HECW1: variants seen among roughly 807,000 people sequenced by gnomAD.
The protein encoded by HECW1 is HECT, C2 and WW domain containing E3 ubiquitin protein ligase 1.
HECW1 carries 61 observed loss-of-function variants against 182.3 expected under a neutral mutation model. The ratio of observed to expected loss-of-function variants is 0.33; its 90% CI spans 0.27 to 0.41. The LOEUF is 0.41. Among genes scored for constraint, HECW1 ranks in the 10% least tolerant of loss-of-function variants. HECW1 has a pLI of 1.00. For missense variants in HECW1, 1,739 were observed against 2,108.9 expected (o/e 0.82, Z 3.44); for synonymous variants, 859 against 832.6 (o/e 1.03, Z -0.55).
intron 5 of HECW1, among the ~76,000 whole-genome samples, chr7:43,323,627 G>A (rs6977617): frequency 0.083 from 12,683 of 151,916 alleles, 903 homozygotes; most frequent in African/African-American, 0.19. Flanking sequence ...CAACAACAAC[G>A]ACAAAAATAC....
intron 4 of HECW1, among the ~76,000 whole-genome samples, chr7:43,319,565 A>G (rs931257735): frequency 1.3e-5 from 1 of 76,466 alleles, no homozygotes; most frequent in Non-Finnish European, 2.4e-5. Flanking sequence ...GTCACTCTCT[A>G]TCACAGCACC....
intron 5 of HECW1, among the ~76,000 whole-genome samples, chr7:43,348,733 A>G (rs1199116623): frequency 6.6e-6 from 1 of 152,182 alleles, no homozygotes; most frequent in Non-Finnish European, 1.5e-5. Flanking sequence ...CAGTTCAAAG[A>G]ATATTTTAAT....
intron 2 of HECW1, among the ~76,000 whole-genome samples, chr7:43,207,191 T>C (rs1449157291): frequency 2.0e-5 from 3 of 152,048 alleles, no homozygotes; most frequent in Non-Finnish European, 4.4e-5. Flanking sequence ...GGATTACAGG[T>C]GCATGCCACC....
intron 29 of HECW1, among the ~76,000 whole-genome samples, chr7:43,556,472 C>A (rs770435784): frequency 6.6e-6 from 1 of 152,118 alleles, no homozygotes; most frequent in Admixed American, 6.5e-5. Context: ...GGATAGCTTG[C>A]GCCCAAGAGT....
intron 2 of HECW1, among the ~76,000 whole-genome samples, chr7:43,215,342 C>G (rs1796349180): frequency 6.6e-6 from 1 of 152,224 alleles, no homozygotes; most frequent in South Asian, 2.1e-4. Flanking sequence ...AAGCGTTGCC[C>G]TGTCCTAACA....
At chr7:43,537,472 T>C (rs1400462452) in intron 24 of HECW1, among the ~76,000 whole-genome samples, 1 of 152,138 alleles carries the variant, frequency 6.6e-6, no homozygotes, top group African/African-American at 2.4e-5. Context: ...GTAATCAACT[T>C]CCCCACAGGC....
intron 6 of HECW1, among the ~76,000 whole-genome samples, chr7:43,371,841 CAG>C (rs1444010319): frequency 6.6e-6 from 1 of 152,100 alleles, no homozygotes; most frequent in Non-Finnish European, 1.5e-5. Flanking sequence ...TGTTTTGAGA[CAG>C]AGTTTCGTTC....
intron 24 of HECW1, among the ~76,000 whole-genome samples, chr7:43,533,938 G>A (rs563536391): frequency 2.0e-5 from 3 of 152,278 alleles, no homozygotes; most frequent in African/African-American, 4.8e-5. Flanking sequence ...AGCCTGATCT[G>A]TTGGGGCAAC....
At chr7:43,178,047 T>A (rs950473711) in intron 2 of HECW1, among the ~76,000 whole-genome samples, 1 of 152,206 alleles carries the variant, frequency 6.6e-6, no homozygotes, top group African/African-American at 2.4e-5. Flanking sequence ...TCTCGCTCTG[T>A]CACCCAGGCT....
At chr7:43,501,892 T>C (rs56027889) in intron 21 of HECW1, among the ~76,000 whole-genome samples, 67,510 of 152,026 alleles carry the variant, frequency 0.44, 15,466 homozygotes, top group South Asian at 0.67. Context: ...TTTTATGACA[T>C]GTGAAAACTG....
chr7:43,252,821 A>T (rs1425206192), intron 3 of HECW1, among the ~76,000 whole-genome samples: 3 of 152,264 alleles, frequency 2.0e-5, no homozygotes, highest in East Asian at 3.8e-4. Flanking sequence ...CTTGCAGTGT[A>T]GTTTAACAGT....
intron 12 of HECW1, among the ~76,000 whole-genome samples, chr7:43,452,592 G>A (rs2077270986): frequency 6.6e-6 from 1 of 152,162 alleles, no homozygotes; most frequent in South Asian, 2.1e-4. Flanking sequence ...CCTGTGCTAG[G>A]TACTATTGTG....
chr7:43,359,633 T>G (rs1815619180), intron 5 of HECW1, among the ~76,000 whole-genome samples: 1 of 152,200 alleles, frequency 6.6e-6, no homozygotes, highest in Non-Finnish European at 1.5e-5. Flanking sequence ...GTCTCAATTA[T>G]GCAAAAATCT....
At chr7:43,162,528 G>A (rs1029021233) in intron 2 of HECW1, among the ~76,000 whole-genome samples, 1 of 152,230 alleles carries the variant, frequency 6.6e-6, no homozygotes, top group African/African-American at 2.4e-5. Context: ...AATAATCCAG[G>A]ATGAACTTTT....
chr7:43,254,305 A>G lies in HECW1; in HGVS notation c.27+10373A>G, dbSNP rs183061886. ...ACTGAGAGTAAAATAATGAAGCCCC[A>G]CTTAAGTGAAAATAACACAGGTAAT... is the stretch of plus-strand genomic sequence containing the variant. On this transcript the variant is annotated intron_variant, in intron 3 of 29. Coordinates refer to ENST00000395891, the MANE Select transcript of HECW1 (RefSeq NM_015052.5). Among the ~76,000 whole-genome samples, 371 of 152,316 alleles carry G rather than the reference A, an allele frequency of 2.4e-3. 2 individuals are homozygous for G. Among genetic ancestry groups the G allele is most frequent in the African/African-American group, 8.6e-3 (357 of 41,582 alleles).
chr7:43,342,601 G>C lies in HECW1; in HGVS notation c.461-18285G>C, dbSNP rs117825357. On this transcript the variant is annotated intron_variant, in intron 5 of 29. Coordinates refer to ENST00000395891, the MANE Select transcript of HECW1 (RefSeq NM_015052.5). ...CCATTCCTCCTTCTAGATAACTCTT[G>C]AGGCTAACTCTTACAGAGTAATTAT... is the stretch of plus-strand genomic sequence containing the variant. Among the ~76,000 whole-genome samples, 18 of 150,582 alleles carry C rather than the reference G, an allele frequency of 1.2e-4. No homozygotes were observed. In the East Asian group the frequency reaches 3.1e-3, roughly 26 times the overall value.
At chr7:43,313,759 CA>C (rs1212127463) in intron 4 of HECW1, among the ~76,000 whole-genome samples, 1 of 152,186 alleles carries the variant, frequency 6.6e-6, no homozygotes, top group Non-Finnish European at 1.5e-5. Flanking sequence ...TCCAATTTGG[CA>C]GCCTGAGCCT....
chr7:43,258,254 A>G (rs1287586192), intron 3 of HECW1, among the ~76,000 whole-genome samples: 1 of 149,520 alleles, frequency 6.7e-6, no homozygotes. Context: ...AAGGCATGAG[A>G]ATCGCTTGAA....
chr7:43,256,243 G>A (rs886467049), intron 3 of HECW1, among the ~76,000 whole-genome samples: 1 of 152,192 alleles, frequency 6.6e-6, no homozygotes, highest in Admixed American at 6.5e-5. Flanking sequence ...TTGAAACTGT[G>A]TTTGTCATTG....
Sources: gnomAD v4.1 joint callset for allele counts (sites outside exome capture counted in the v4.1 genomes callset) on GRCh38, gnomAD v4.1.1 for gene constraint, MANE v1.5 for transcripts, NCBI Gene and HGNC (gene_info 2026-07-23, HGNC 2026-07-21) for gene names.